ZNF536: variants seen among roughly 807,000 people sequenced by gnomAD.
The protein encoded by ZNF536 is zinc finger protein 536.
Under a neutral mutation model 84.5 loss-of-function variants are expected in ZNF536, and 13 were observed. The ratio of observed to expected loss-of-function variants is 0.15; its 90% confidence interval spans 0.10 to 0.24. The LOEUF (loss-of-function observed/expected upper bound fraction) is 0.24, where lower values mean the gene tolerates loss of function less well. Ranked by LOEUF, ZNF536 falls within the 10% of genes least tolerant of loss-of-function variation. The pLI, the probability that ZNF536 is intolerant of heterozygous loss-of-function variation, is 1.00. For synonymous variants in ZNF536, 811 were observed against 742.5 expected (o/e 1.09, Z -1.50); for missense variants, 1,536 against 1,747.5 (o/e 0.88, Z 2.16).
chr19:30,608,510 A>G (rs544266531), intron 1 of ZNF536, among the ~76,000 whole-genome samples: 2 of 152,224 alleles, frequency 1.3e-5, no homozygotes, highest in South Asian at 2.1e-4. Flanking sequence ...GGCTAATCCT[A>G]CCTGAAGGTT....
intron 2 of ZNF536, among the ~76,000 whole-genome samples, chr19:30,288,324 C>A (rs9630865): frequency 0.31 from 46,618 of 152,024 alleles, 9,750 homozygotes; most frequent in East Asian, 0.61. Context: ...TCCTCTTCAG[C>A]CCTGCCATGA....
intron 1 of ZNF536, among the ~76,000 whole-genome samples, chr19:30,615,308 G>C (rs1003944016): frequency 6.6e-6 from 1 of 152,068 alleles, no homozygotes; most frequent in Non-Finnish European, 1.5e-5. Context: ...GTGAATTAGG[G>C]TTCCAGTTTT....
intron 3 of ZNF536, among the ~76,000 whole-genome samples, chr19:30,361,019 G>T (rs549108915): frequency 1.3e-5 from 2 of 152,188 alleles, no homozygotes; most frequent in Admixed American, 1.3e-4. Flanking sequence ...TCTGTTGATT[G>T]TTTCTAATTC....
chr19:30,500,798 A>T (rs2054918508), intron 2 of ZNF536, among the ~76,000 whole-genome samples: 1 of 152,250 alleles, frequency 6.6e-6, no homozygotes, highest in African/African-American at 2.4e-5. Flanking sequence ...TTTAAATCTC[A>T]GTGAAATACA....
At chr19:30,625,021 G>T (rs752594861) in intron 1 of ZNF536, among the ~76,000 whole-genome samples, 1 of 152,178 alleles carries the variant, frequency 6.6e-6, no homozygotes. Context: ...GCAGAACTGT[G>T]AGTCAATTAA....
At chr19:30,447,176 T>A (rs1344739002) in intron 2 of ZNF536, among the ~76,000 whole-genome samples, 1 of 152,214 alleles carries the variant, frequency 6.6e-6, no homozygotes, top group South Asian at 2.1e-4. Context: ...GGTCATTTTT[T>A]AAAAGTTTTT....
intron 1 of ZNF536, among the ~76,000 whole-genome samples, chr19:30,690,337 G>T (rs2051358011): frequency 6.6e-6 from 1 of 152,170 alleles, no homozygotes; most frequent in African/African-American, 2.4e-5. Flanking sequence ...TTCTGAGGAT[G>T]GGAGGGGATG....
chr19:30,707,189 T>C (rs1262414547), intron 1 of ZNF536, among the ~76,000 whole-genome samples: 1 of 152,154 alleles, frequency 6.6e-6, no homozygotes, highest in Non-Finnish European at 1.5e-5. Context: ...AACTCACTCA[T>C]GCCCAGCTTA....
intron 1 of ZNF536, among the ~76,000 whole-genome samples, chr19:30,690,441 C>T (rs368542113): frequency 9.9e-5 from 15 of 152,118 alleles, no homozygotes; most frequent in African/African-American, 3.1e-4. Context: ...ACATTCAGGT[C>T]GAGTCTCTCT....
chr19:30,227,695 G>A (rs1169280045), upstream of ZNF536, among the ~76,000 whole-genome samples: 1 of 151,728 alleles, frequency 6.6e-6, no homozygotes, highest in African/African-American at 2.4e-5. Flanking sequence ...GAGTGAGCGA[G>A]CGCGCGGTAC....
At chr19:30,383,893 CTTT>C (rs2049177025) in intron 1 of ZNF536, among the ~76,000 whole-genome samples, 2 of 98,636 alleles carry the variant, frequency 2.0e-5, no homozygotes, top group African/African-American at 8.3e-5. Context: ...TCCCTTCCTT[CTTT>C]CTTTCTTTCC....
chr19:30,480,820 A>G (rs979549420), intron 2 of ZNF536, among the ~76,000 whole-genome samples: 4 of 152,142 alleles, frequency 2.6e-5, no homozygotes, highest in Non-Finnish European at 5.9e-5. Context: ...CAGATCACCT[A>G]AGGTCAGAAG....
At chr19:30,618,296 T>C (rs2048371695) in intron 1 of ZNF536, among the ~76,000 whole-genome samples, 1 of 152,208 alleles carries the variant, frequency 6.6e-6, no homozygotes, top group South Asian at 2.1e-4. Context: ...GATAAAATTA[T>C]CAAAATCTTT....
At chr19:30,556,968 G>T in intron 4 of ZNF536, 189 bp from the exon 5 acceptor site, 1 of 595,718 alleles carries the variant, frequency 1.7e-6, no homozygotes, top group Non-Finnish European at 3.0e-6. Flanking sequence ...ACGTCTAATT[G>T]CCAACCTGCC....
chr19:30,541,678 T>C (rs1381823330), intron 3 of ZNF536, among the ~76,000 whole-genome samples: 1 of 152,224 alleles, frequency 6.6e-6, no homozygotes, highest in Non-Finnish European at 1.5e-5. Flanking sequence ...TAACTACAGT[T>C]TCTAGGTAGC....
At chr19:30,495,097 C>G (rs1037404646) in intron 2 of ZNF536, among the ~76,000 whole-genome samples, 10 of 152,196 alleles carry the variant, frequency 6.6e-5, no homozygotes, top group Admixed American at 6.5e-4. Flanking sequence ...GTCTTGGCTT[C>G]ACTATTGCTG....
chr19:30,477,478 C>G (rs546651226), intron 2 of ZNF536, among the ~76,000 whole-genome samples: 6 of 152,300 alleles, frequency 3.9e-5, no homozygotes, highest in African/African-American at 1.4e-4. Context: ...CCTCCCAAGA[C>G]ATGAAAAAAA....
chr19:30,497,696 G>A (rs2054781432), intron 2 of ZNF536, among the ~76,000 whole-genome samples: 1 of 152,104 alleles, frequency 6.6e-6, no homozygotes, highest in African/African-American at 2.4e-5. Context: ...TGTACTTTAA[G>A]ATATTACTTT....
At chr19:30,376,687 T>C (rs2048830718) in intron 1 of ZNF536, among the ~76,000 whole-genome samples, 1 of 152,174 alleles carries the variant, frequency 6.6e-6, no homozygotes, top group African/African-American at 2.4e-5. Flanking sequence ...GGCACTTTTT[T>C]CCTGTGACTC....
Sources: gnomAD v4.1 joint callset for allele counts (sites outside exome capture counted in the v4.1 genomes callset) on GRCh38, gnomAD v4.1.1 for gene constraint, MANE v1.5 for transcripts, NCBI Gene and HGNC (gene_info 2026-07-23, HGNC 2026-07-21) for gene names.